The following DMRT1 variants were observed in gnomAD, a reference collection of about 807,000 sequenced individuals.
DMRT1 encodes doublesex- and mab-3-related transcription factor 1.
A neutral mutation model predicts 32.3 loss-of-function variants in DMRT1; 7 were observed. The observed-to-expected ratio is 0.22, with a 90% CI of 0.12 to 0.41. DMRT1 has a LOEUF of 0.41. Among genes scored for constraint, DMRT1 ranks in the 10% least tolerant of loss-of-function variants. DMRT1 has a pLI of 1.00. For missense variants in DMRT1, 625 were observed against 500.5 expected (o/e 1.25, Z -2.37); for synonymous variants, 278 against 206.1 (o/e 1.35, Z -2.99).
At chr9:864,885 C>T (rs1452076863) in intron 2 of DMRT1, among the ~76,000 whole-genome samples, 1 of 151,594 alleles carries the variant, frequency 6.6e-6, no homozygotes, top group Non-Finnish European at 1.5e-5. Flanking sequence ...TCGACTAAAC[C>T]ATTTCATAGT....
intron 3 of DMRT1, among the ~76,000 whole-genome samples, chr9:897,270 G>A (rs942140320): frequency 1.3e-5 from 2 of 151,786 alleles, no homozygotes; most frequent in East Asian, 1.9e-4. Flanking sequence ...GTGCCATCAC[G>A]CGTGGCTATT....
intron 2 of DMRT1, among the ~76,000 whole-genome samples, chr9:874,601 T>C (rs1380825991): frequency 6.6e-6 from 1 of 152,106 alleles, no homozygotes; most frequent in Non-Finnish European, 1.5e-5. Context: ...AGGGCCATGA[T>C]GCCTGAAAGG....
intron 2 of DMRT1, among the ~76,000 whole-genome samples, chr9:892,465 C>T (rs1401406054): frequency 6.6e-6 from 1 of 152,116 alleles, no homozygotes; most frequent in Non-Finnish European, 1.5e-5. Flanking sequence ...TGCTCTCTGC[C>T]TCCCCTGCAT....
chr9:862,111 A>G (rs950587303), intron 2 of DMRT1, among the ~76,000 whole-genome samples: 6 of 141,720 alleles, frequency 4.2e-5, no homozygotes, highest in African/African-American at 1.5e-4. Flanking sequence ...GCGGCTGGGC[A>G]GAGGCTGCAA....
chr9:925,970 G>T (rs1341976706), intron 4 of DMRT1, among the ~76,000 whole-genome samples: 3 of 152,164 alleles, frequency 2.0e-5, no homozygotes, highest in Non-Finnish European at 4.4e-5. Flanking sequence ...TTGGGGTTGA[G>T]AGTGCACTTG....
intron 1 of DMRT1, among the ~76,000 whole-genome samples, chr9:844,689 T>C (rs1838824686): frequency 6.6e-6 from 1 of 151,566 alleles, no homozygotes. Flanking sequence ...AAACAACATA[T>C]AAATTGTAGT....
At chr9:930,660 A>G (rs150594546) in intron 4 of DMRT1, among the ~76,000 whole-genome samples, 21,630 of 151,892 alleles carry the variant, frequency 0.14, 1,669 homozygotes, top group East Asian at 0.19. Flanking sequence ...TGCCTGCCTC[A>G]GCTTCCCAAA....
intron 4 of DMRT1, among the ~76,000 whole-genome samples, chr9:921,142 C>G (rs957061410): frequency 6.6e-6 from 1 of 152,124 alleles, no homozygotes; most frequent in African/African-American, 2.4e-5. Flanking sequence ...TTCATCACCC[C>G]AAAAGGAAAC....
intron 4 of DMRT1, among the ~76,000 whole-genome samples, chr9:920,545 T>G (rs1297448671): frequency 6.6e-6 from 1 of 152,180 alleles, no homozygotes; most frequent in African/African-American, 2.4e-5. Flanking sequence ...GCCTGCGTAT[T>G]CAGGAGTGCA....
intron 3 of DMRT1, among the ~76,000 whole-genome samples, chr9:914,757 C>T (rs1169703614): frequency 6.6e-6 from 1 of 152,032 alleles, no homozygotes; most frequent in Non-Finnish European, 1.5e-5. Flanking sequence ...TTTGCTTCTC[C>T]AGAAGAAGTA....
chr9:876,049 G>T (rs1247535983), intron 2 of DMRT1, among the ~76,000 whole-genome samples: 2 of 152,186 alleles, frequency 1.3e-5, no homozygotes, highest in Non-Finnish European at 2.9e-5. Context: ...ATGCTTTGCT[G>T]CACCCTTTTA....
intron 2 of DMRT1, among the ~76,000 whole-genome samples, chr9:863,346 G>T (rs1249035607): frequency 6.6e-6 from 1 of 150,588 alleles, no homozygotes; most frequent in Non-Finnish European, 1.5e-5. Flanking sequence ...AAGGGCAGGG[G>T]AAGTGTGGAC....
chr9:909,972 C>G (rs1817916462), intron 3 of DMRT1, among the ~76,000 whole-genome samples: 4 of 152,270 alleles, frequency 2.6e-5, no homozygotes, highest in African/African-American at 9.6e-5. Context: ...CCTCAGCCTC[C>G]CACGTGCTGA....
intron 4 of DMRT1, among the ~76,000 whole-genome samples, chr9:934,116 T>C (rs1035280443): frequency 3.3e-5 from 5 of 152,144 alleles, no homozygotes; most frequent in Admixed American, 1.3e-4. Context: ...GGAAAACTTG[T>C]CTTATGGCCT....
chr9:933,792 C>T (rs778400011), intron 4 of DMRT1, among the ~76,000 whole-genome samples: 14 of 152,074 alleles, frequency 9.2e-5, no homozygotes, highest in Non-Finnish European at 1.6e-4. Flanking sequence ...AAGTTGTATT[C>T]GGCAACTTTT....
At chr9:912,099 A>C (rs1365389611) in intron 3 of DMRT1, among the ~76,000 whole-genome samples, 2 of 152,240 alleles carry the variant, frequency 1.3e-5, no homozygotes, top group South Asian at 4.1e-4. Flanking sequence ...GGCGAAGAAG[A>C]AGCAGGCACC....
chr9:933,066 C>G (rs923759525), intron 4 of DMRT1, among the ~76,000 whole-genome samples: 8 of 152,098 alleles, frequency 5.3e-5, no homozygotes, highest in Non-Finnish European at 2.9e-5. Flanking sequence ...GTGCACACCA[C>G]CATGCCCAGC....
At chr9:868,636 G>A (rs75394846) in intron 2 of DMRT1, among the ~76,000 whole-genome samples, 6,048 of 152,226 alleles carry the variant, frequency 0.04, 347 homozygotes, top group African/African-American at 0.13. Context: ...CAAGGTTATC[G>A]TAGGTAGCGT....
At chr9:941,327 CCT>C (rs1420529065) in intron 4 of DMRT1, among the ~76,000 whole-genome samples, 35 of 122,078 alleles carry the variant, frequency 2.9e-4, no homozygotes, top group African/African-American at 1.4e-3. Context: ...ACACACACCC[CCT>C]CCCCCCCCCC....
Sources: allele counts gnomAD v4.1 joint callset (sites outside exome capture counted in the v4.1 genomes callset), GRCh38; gene constraint gnomAD v4.1.1; transcripts MANE v1.5; gene names NCBI Gene and HGNC (gene_info 2026-07-23, HGNC 2026-07-21).